The following NOTCH2NLC variants were observed in gnomAD, a reference collection of about 807,000 sequenced individuals.
The protein encoded by NOTCH2NLC is notch 2 N-terminal like C.
In NOTCH2NLC, 4 loss-of-function variants were observed where a neutral mutation model predicts 17.7. That is an observed-to-expected ratio of 0.23 (90% CI 0.11 to 0.52). NOTCH2NLC has a LOEUF of 0.52. NOTCH2NLC is among the 20% of genes least tolerant of loss of function. The probability of loss-of-function intolerance (pLI) is 0.96; values close to 1 mark genes in which losing one functional copy is unlikely to be tolerated. For missense variants in NOTCH2NLC, 57 were observed against 207.2 expected, an observed-to-expected ratio of 0.28 and a Z score of 4.45; for synonymous variants, 18 against 86.0, an observed-to-expected ratio of 0.21 and a Z score of 4.38.
At chr1:149,449,923 C>T (rs1277279945) in intron 2 of NOTCH2NLC, among the ~76,000 whole-genome samples, 24 of 148,994 alleles carry the variant, frequency 1.6e-4, no homozygotes, top group Non-Finnish European at 3.3e-4. Context: ...TTTCACTTAG[C>T]ATGTTTTCAA....
Position 149,464,814 on chromosome 1 carries a change from G to GCCT in NOTCH2NLC, c.*664_*666dup, listed in dbSNP as rs2084675457. On this transcript the variant is annotated 3_prime_UTR_variant, in exon 5 of 5. Transcript: ENST00000650865. The stretch of plus-strand genomic sequence containing the variant: ...AGTAATGTGCTAAGTAAGCAGAATT[G>GCCT]CCTCCAAAAGAAGTTGTTCTAGTTA... The GCCT allele has an allele frequency of 6.6e-6, 1 of 151,454 alleles. No individual in the cohort carries two copies. Among genetic ancestry groups the GCCT allele is most frequent in the South Asian group, 2.1e-4 (1 of 4,782 alleles). 9.4% of individuals were successfully genotyped at this position (151,454 alleles called of 1,614,324 possible).
At chr1:149,449,207 G>T (rs1184036678) in intron 2 of NOTCH2NLC, among the ~76,000 whole-genome samples, 1 of 150,896 alleles carries the variant, frequency 6.6e-6, no homozygotes, top group Non-Finnish European at 1.5e-5. Flanking sequence ...ATCTTTCTAA[G>T]CTTCGAGTTC....
rs1317682385 is a variant in NOTCH2NLC at position 149,446,566 on chromosome 1, G to A, written c.210-8752G>A. ...TTGCCTAGGCAGGTCTCGAACTTCC[G>A]CTCTAGCAATCTGCTCACCTTGGCC... On this transcript the variant is annotated intron_variant, in intron 2 of 4. Transcript: ENST00000650865. 1.4e-4 allele frequency among the ~76,000 whole-genome samples: 21 copies of A among 150,472 alleles called. 1 individual carries two copies. Among genetic ancestry groups the A allele is most frequent in the African/African-American group, 2.7e-4 (11 of 40,926 alleles).
intron 1 of NOTCH2NLC, among the ~76,000 whole-genome samples, chr1:149,428,984 A>G (rs2084428258): frequency 6.8e-6 from 1 of 146,692 alleles, no homozygotes; most frequent in Admixed American, 6.8e-5. Flanking sequence ...AATCAGTTTG[A>G]GAACTTTGGT....
intron 2 of NOTCH2NLC, among the ~76,000 whole-genome samples, chr1:149,445,901 T>TA (rs1182076544): frequency 0.14 from 10,408 of 72,472 alleles, 928 homozygotes; most frequent in Non-Finnish European, 0.2. Flanking sequence ...ATCCTCGTTT[T>TA]AAAAAAAAAA....
Position 149,390,771 on chromosome 1 carries a change from A to T in NOTCH2NLC, c.-17A>T. 2 of 1,159,000 alleles carry T rather than the reference A, an allele frequency of 1.7e-6. No homozygotes were observed. Among genetic ancestry groups the T allele is most frequent in the Non-Finnish European group, 2.1e-6 (2 of 944,816 alleles). The allele number at this position is 1,159,000 out of a possible 1,614,324, so 71.8% of individuals were successfully genotyped here. A position where few individuals can be genotyped will look rare whatever the true frequency, so the allele number is the denominator to read the frequency against. ...GGGGAGGAGAGAGTGGGGCTCCTCTATCGGGACCCCCTCCCCATGTGGATC... is the reference window on the plus strand; with the variant it reads ...GGGGAGGAGAGAGTGGGGCTCCTCTTTCGGGACCCCCTCCCCATGTGGATC... On this transcript the variant is annotated 5_prime_UTR_variant, in exon 1 of 5. Transcript: ENST00000650865.
chr1:149,457,571 G>A (rs1469562124), intron 3 of NOTCH2NLC, among the ~76,000 whole-genome samples: 7 of 149,468 alleles, frequency 4.7e-5, no homozygotes, highest in Middle Eastern at 3.5e-3. Context: ...AGTTTGTTAA[G>A]TATTAATTCA....
chr1:149,461,733 A>G (rs1238357175), intron 3 of NOTCH2NLC, among the ~76,000 whole-genome samples: 6 of 151,338 alleles, frequency 4.0e-5, no homozygotes, highest in African/African-American at 1.5e-4. Context: ...GAACCAACCC[A>G]AATGTCCATC....
intron 2 of NOTCH2NLC, among the ~76,000 whole-genome samples, chr1:149,433,962 A>G (rs1273207157): frequency 2.0e-5 from 3 of 147,126 alleles, no homozygotes; most frequent in African/African-American, 7.5e-5. Context: ...AAAAAAAAAA[A>G]AGAAAATGGA....
In NOTCH2NLC at chr1:149,390,817, C is replaced by T; in HGVS notation, c.30C>T (p.Gly10=). The change falls in exon 1 of 5, where the codon GGC becomes GGT. Residue 10 remains glycine (G), a synonymous_variant. Coordinates refer to ENST00000650865, the MANE Select transcript of NOTCH2NLC (RefSeq NM_001364013.2). MWICPGGGG[G]GGGGGGGGDR... is the part of the protein sequence containing the mutation. ...GGATCTGCCCAGGCGGCGGCGGCGG[C>T]GGCGGCGGCGGCGGAGGAGGCGGCG... The T allele has an allele frequency of 7.7e-7, 1 of 1,300,874 alleles. No homozygotes were observed. The highest frequency in any genetic ancestry group is 9.8e-7 in the Non-Finnish European group (1 of 1,022,620). 80.6% of individuals were successfully genotyped at this position (1,300,874 alleles called of 1,614,324 possible).
chr1:149,407,016 C>T (rs1321084157), intron 1 of NOTCH2NLC, among the ~76,000 whole-genome samples: 1 of 149,230 alleles, frequency 6.7e-6, no homozygotes, highest in Non-Finnish European at 1.5e-5. Flanking sequence ...CACTGTGAAT[C>T]AAAAGCTTTT....
chr1:149,397,890 CAT>C lies in NOTCH2NLC; in HGVS notation c.135+6969_135+6970del, dbSNP rs1466465248. 6.7e-3 allele frequency among the ~76,000 whole-genome samples: 660 copies of C among 97,872 alleles called. 12 individuals carry two copies. Among genetic ancestry groups the C allele is most frequent in the African/African-American group, 0.024 (571 of 23,698 alleles). 64.2% of individuals were successfully genotyped at this position (97,872 alleles called of 152,430 possible). A position where few individuals can be genotyped will look rare whatever the true frequency, so the allele number is the denominator to read the frequency against. On this transcript the variant is annotated intron_variant, in intron 1 of 4. Transcript: ENST00000650865. ...TTAATTTGTGTGCTTCCCTTGGCAT[CAT>C]GTGGTAGCAAGTACAGGGTATTCTA...
At position 149,466,330 on chromosome 1, in the gene NOTCH2NLC, A is replaced by G. The variant is rs1216300559; in HGVS notation, c.*2177A>G. 6.8e-6 allele frequency: 1 copy of G among 147,832 alleles called. No homozygotes were observed. The highest frequency in any genetic ancestry group is 2.0e-4 in the East Asian group (1 of 4,988). 9.2% of individuals were successfully genotyped at this position (147,832 alleles called of 1,614,324 possible). ...ATGTTTAAAAGTAGTTACATAGACT[A>G]GTTCTTGCTTTTCAGGGTCCCATAA... On this transcript the variant is annotated 3_prime_UTR_variant, in exon 5 of 5. Transcript: ENST00000650865.
chr1:149,445,465 AG>A (rs2084544284), intron 2 of NOTCH2NLC, among the ~76,000 whole-genome samples: 1 of 141,794 alleles, frequency 7.1e-6, no homozygotes, highest in South Asian at 2.3e-4. Flanking sequence ...TTCAAACTGC[AG>A]ACCTTTGTTA....
rs1456787990 is a variant in NOTCH2NLC at position 149,470,058 on chromosome 1, A to AT, written c.*5909dup. The stretch of plus-strand genomic sequence containing the variant: ...ATGGGAACTTTTGACCTAAGTTTGT[A>AT]TTTTACATTGTTGAAAGGGAACTCC... On this transcript the variant is annotated 3_prime_UTR_variant, in exon 5 of 5. Transcript: ENST00000650865. 2.0e-5 allele frequency among the ~76,000 whole-genome samples: 3 copies of AT among 151,906 alleles called. No homozygotes were observed. The highest frequency in any genetic ancestry group is 4.8e-5 in the African/African-American group (2 of 41,418).
At chr1:149,400,112 T>TATATA (rs2084234324) in intron 1 of NOTCH2NLC, among the ~76,000 whole-genome samples, 3 of 138,784 alleles carry the variant, frequency 2.2e-5, no homozygotes, top group African/African-American at 7.9e-5. Context: ...GTTGATTTAT[T>TATATA]TATATATATA....
rs1372962852 is a variant in NOTCH2NLC at position 149,408,278 on chromosome 1, C to T, written c.135+17356C>T. The stretch of plus-strand genomic sequence containing the variant: ...TCAAGCCATAGTTCTTCCTGAGTGG[C>T]CTGAAGTGATTTTGCTGCTCTTTAA... On this transcript the variant is annotated intron_variant, in intron 1 of 4. Coordinates refer to ENST00000650865, the MANE Select transcript of NOTCH2NLC (RefSeq NM_001364013.2). 4.7e-5 allele frequency among the ~76,000 whole-genome samples: 4 copies of T among 85,328 alleles called. No individual in the cohort carries two copies. The Admixed American group carries it at 5.2e-4, about 11-fold the overall frequency. The allele number at this position is 85,328 out of a possible 152,430, so 56.0% of individuals were successfully genotyped here. A position where few individuals can be genotyped will look rare whatever the true frequency, so the allele number is the denominator to read the frequency against.
chr1:149,426,846 A>G (rs1395282796), intron 1 of NOTCH2NLC, among the ~76,000 whole-genome samples: 2 of 150,146 alleles, frequency 1.3e-5, no homozygotes, highest in East Asian at 4.0e-4. Flanking sequence ...TAAGTGTTTT[A>G]CATTGGAAAA....
chr1:149,394,508 A>T (rs2084194313), intron 1 of NOTCH2NLC, among the ~76,000 whole-genome samples: 1 of 151,070 alleles, frequency 6.6e-6, no homozygotes, highest in African/African-American at 2.4e-5. Context: ...ATATATTTAG[A>T]TGATATAATA....
Sources: allele counts gnomAD v4.1 joint callset (sites outside exome capture counted in the v4.1 genomes callset), GRCh38; gene constraint gnomAD v4.1.1; transcripts MANE v1.5; gene names NCBI Gene and HGNC (gene_info 2026-07-23, HGNC 2026-07-21).